Variants in ITIH4 observed in about 807,000 individuals in gnomAD.
The protein encoded by ITIH4 is inter-alpha-trypsin inhibitor heavy chain 4.
ITIH4 carries 79 observed loss-of-function variants against 111.8 expected under a neutral mutation model. The ratio of observed to expected loss-of-function variants is 0.71; its 90% CI spans 0.59 to 0.85. ITIH4 has a LOEUF of 0.85. Ranked by LOEUF, ITIH4 falls within the 40% of genes least tolerant of loss-of-function variation. ITIH4 has a pLI of 0.00. For missense variants in ITIH4, 1,065 were observed against 1,195.8 expected, an observed-to-expected ratio of 0.89 and a Z score of 1.61; for synonymous variants, 472 against 468.3, an observed-to-expected ratio of 1.01 and a Z score of -0.10.
Position 52,830,546 on chromosome 3 carries a change from T to C in ITIH4, c.90+7A>G. 6.2e-7 allele frequency: 1 copy of C among 1,613,746 alleles called. No homozygotes were observed. The highest frequency in any genetic ancestry group is 8.5e-7 in the Non-Finnish European group (1 of 1,179,634). ...CAGCTCACGCCACACCCATGGACACTGGCTACCTTTTCGGCAGTAGTAGTC... is the reference window on the plus strand; with the variant it reads ...CAGCTCACGCCACACCCATGGACACCGGCTACCTTTTCGGCAGTAGTAGTC... On this transcript the variant is annotated splice_region_variant and intron_variant, in intron 1 of 23. Transcript: ENST00000266041.
chr3:52,819,700 C>G, intron 16 of ITIH4, 54 bp downstream of exon 16: 1 of 1,599,516 alleles, frequency 6.3e-7, no homozygotes, highest in Non-Finnish European at 8.6e-7. Context: ...GGACCTCCCT[C>G]AAGCTCCCCC....
At position 52,824,518 on chromosome 3, in the gene ITIH4, G is replaced by A. The variant is rs1389109296; in HGVS notation, c.924C>T (p.Asp308=). 6.2e-7 allele frequency: 1 copy of A among 1,614,066 alleles called. No homozygotes were observed. Among genetic ancestry groups the A allele is most frequent in the Non-Finnish European group, 8.5e-7 (1 of 1,180,040 alleles). ...IKILDDLSPR[D]QFNLIVFSTE... Reference sequence around the variant, plus strand: ...TACTGAAGACGATGAGGTTGAACTGGTCTCTGGGGCTGAGGTCATCCAGGA... The same window carrying A: ...TACTGAAGACGATGAGGTTGAACTGATCTCTGGGGCTGAGGTCATCCAGGA... Residue 308 remains aspartate, a synonymous_variant, in exon 8 of 24, where the codon GAC becomes GAT. Coordinates refer to ENST00000266041, the MANE Select transcript of ITIH4 (RefSeq NM_002218.5). The surrounding 1 kb of genome is among the most constrained non-coding windows in gnomAD (Gnocchi z 4.3).
chr3:52,826,307 C>T (rs1700478460), intron 5 of ITIH4, among the ~76,000 whole-genome samples: 1 of 152,338 alleles, frequency 6.6e-6, no homozygotes, highest in Admixed American at 6.5e-5. Flanking sequence ...AGTCTATTAT[C>T]CAGCCCCTTC....
chr3:52,826,433 A>G, intron 5 of ITIH4, 108 bp downstream of exon 5: 1 of 807,556 alleles, frequency 1.2e-6, no homozygotes, highest in Non-Finnish European at 2.1e-6. Flanking sequence ...TCCAGGTCAC[A>G]GCTCACAGGA....
Position 52,814,041 on chromosome 3 carries a change from G to A in ITIH4, c.2657C>T (p.Ser886Phe), listed in dbSNP as rs753093484. 4 of 1,613,810 alleles carry A rather than the reference G, an allele frequency of 2.5e-6. No homozygotes were observed. The highest frequency in any genetic ancestry group is 2.5e-6 in the Non-Finnish European group (3 of 1,179,964). Reference sequence around the variant, plus strand: ...TCTGCCGTCATCTGATGCTGCTGGAGATCCCCAGAGCACCTCCTGGTAAAA... The same window carrying A: ...TCTGCCGTCATCTGATGCTGCTGGAAATCCCCAGAGCACCTCCTGGTAAAA... ...GQFYQEVLWG[S>F]PAASDDGRRT... is the part of the protein sequence containing the mutation. Residue 886 changes from serine (S) to phenylalanine (F), a missense_variant, in exon 23 of 24, where the codon TCT (serine) becomes TTT (phenylalanine). Ser to Phe is a radical substitution (Grantham distance 155). Transcript: ENST00000266041.
In ITIH4 at chr3:52,823,833, A is replaced by G. The variant is rs368885624; in HGVS notation, c.1343T>C (p.Leu448Pro). 357 of 1,613,800 alleles carry G rather than the reference A, an allele frequency of 2.2e-4. No individual in the cohort carries two copies. Among genetic ancestry groups the G allele is most frequent in the Non-Finnish European group, 2.8e-4 (329 of 1,180,002 alleles). ...GGGGCACACTGGCACCTGGAGCTGC[A>G]GGGCAGAGTCTGAGTCCTCATGGAT... ...RRIHEDSDSALQLQDFYQEVA... is the reference protein window; with the variant it reads ...RRIHEDSDSAPQLQDFYQEVA... The change falls in exon 10 of 24, where the codon CTG becomes CCG. Residue 448 changes from leucine (L) to proline (P), a missense_variant. Leu to Pro is a moderately conservative substitution (Grantham distance 98). Transcript: ENST00000266041.
intron 20 of ITIH4, among the ~76,000 whole-genome samples, chr3:52,817,588 AG>A (rs1559478382): frequency 6.6e-6 from 1 of 152,084 alleles, no homozygotes; most frequent in Admixed American, 6.5e-5. Flanking sequence ...TTGAAGGGGC[AG>A]GGCCCAGCCA....
At chr3:52,819,372 C>CA (rs1169151017) in intron 17 of ITIH4, 21 bp downstream of exon 17, 1 of 1,613,534 alleles carries the variant, frequency 6.2e-7, no homozygotes, top group East Asian at 2.2e-5. Flanking sequence ...GAGGCCCTCG[C>CA]AGGGCCGGAA....
chr3:52,824,162 G>A lies in ITIH4; in HGVS notation c.1171+28C>T, dbSNP rs762245188. On this transcript the variant is annotated intron_variant, in intron 9 of 23. Coordinates refer to ENST00000266041, the MANE Select transcript of ITIH4 (RefSeq NM_002218.5). The surrounding 1 kb of genome is among the most constrained non-coding windows in gnomAD (Gnocchi z 4.3). ...CCCAGCCGCCTCCCCTGTGCAGCAC[G>A]TCCTGGAGTCACGGGCAGGGCCCTC... 2.0e-5 allele frequency: 33 copies of A among 1,611,480 alleles called. No individual in the cohort carries two copies. Among genetic ancestry groups the A allele is most frequent in the African/African-American group, 1.3e-5 (1 of 74,904 alleles).
chr3:52,818,265 T>A lies in ITIH4; in HGVS notation c.2171A>T (p.Gln724Leu). 1 of 1,580,436 alleles carries A rather than the reference T, an allele frequency of 6.3e-7. No individual in the cohort carries two copies. Among genetic ancestry groups the A allele is most frequent in the Non-Finnish European group, 8.6e-7 (1 of 1,164,266 alleles). ...MKIEETTMTTQTPAPIQAPSA... is the reference protein window; with the variant it reads ...MKIEETTMTTLTPAPIQAPSA... ...GGGGGCTGGGAACTTACCTGGGGTT[T>A]GGGTTGTCATGGTTGTTTCTAAAAG... The change falls in exon 19 of 24, where the codon CAA becomes CTA. Residue 724 changes from glutamine to leucine, a missense_variant. By Grantham distance (113) the Gln-to-Leu change is moderately radical. Coordinates refer to ENST00000266041, the MANE Select transcript of ITIH4 (RefSeq NM_002218.5).
intron 21 of ITIH4, 48 bp downstream of exon 21, chr3:52,816,836 G>A: frequency 6.4e-7 from 1 of 1,570,786 alleles, no homozygotes; most frequent in African/African-American, 1.3e-5. Context: ...ATCAGCCACT[G>A]TAGCCTGAAA....
chr3:52,813,315 A>G lies in ITIH4; in HGVS notation c.*106T>C. The G allele has an allele frequency of 1.0e-6, 1 of 987,728 alleles. No individual in the cohort carries two copies. The highest frequency in any genetic ancestry group is 1.6e-6 in the Non-Finnish European group (1 of 621,236). 61.2% of individuals were successfully genotyped at this position (987,728 alleles called of 1,614,324 possible). A position where few individuals can be genotyped will look rare whatever the true frequency, so the allele number is the denominator to read the frequency against. ...CTCACACCACCTTTCTTTATTTGTA[A>G]TGAGTGGGACTCTTCCTCCCCATGG... On this transcript the variant is annotated 3_prime_UTR_variant, in exon 24 of 24. Transcript: ENST00000266041.
Position 52,826,583 on chromosome 3 carries a change from G to A in ITIH4, c.588C>T (p.Asn196=), listed in dbSNP as rs762133863. 7 of 1,614,014 alleles carry A rather than the reference G, an allele frequency of 4.3e-6. No homozygotes were observed. In the South Asian group the frequency reaches 7.7e-5, roughly 18 times the overall value. The change falls in exon 5 of 24, where the codon AAC becomes AAT. Residue 196 remains asparagine (N), a synonymous_variant. Transcript: ENST00000266041. ...AGGTGGTGAGGGCGTCTACCAGCTG[G>A]TTGGTCATGAAGGTGCTCTCTGTCT... is the stretch of plus-strand genomic sequence containing the variant. ...FLETESTFMT[N]QLVDALTTWQ...
intron 5 of ITIH4, 69 bp from the exon 6 acceptor site, chr3:52,826,083 G>A: frequency 6.3e-7 from 1 of 1,591,230 alleles, no homozygotes; most frequent in East Asian, 2.2e-5. Context: ...CTCTACCCCT[G>A]TCTGTATATT....
chr3:52,818,398 T>C, intron 18 of ITIH4, 64 bp downstream of exon 18: 1 of 1,574,850 alleles, frequency 6.3e-7, no homozygotes, highest in Non-Finnish European at 8.7e-7. Context: ...CATCGAGACA[T>C]GTGACAGGTC....
chr3:52,813,031 CCT>C lies in ITIH4; in HGVS notation c.*388_*389del. Reference sequence around the variant, plus strand: ...CCAAGAGACCATGAAGCAGACTGAACCTCTGCTCCTGGAGAATGCTCCCAGCC... The same window carrying C: ...CCAAGAGACCATGAAGCAGACTGAACCTGCTCCTGGAGAATGCTCCCAGCC... On this transcript the variant is annotated 3_prime_UTR_variant, in exon 24 of 24. Coordinates refer to ENST00000266041, the MANE Select transcript of ITIH4 (RefSeq NM_002218.5). The C allele has an allele frequency of 6.2e-6, 1 of 162,066 alleles. No individual in the cohort carries two copies. The highest frequency in any genetic ancestry group is 1.7e-4 in the East Asian group (1 of 5,916). 10.0% of individuals were successfully genotyped at this position (162,066 alleles called of 1,614,324 possible). A position where few individuals can be genotyped will look rare whatever the true frequency, so the allele number is the denominator to read the frequency against.
chr3:52,818,185 A>C lies in ITIH4; in HGVS notation c.2180-17T>G. The C allele has an allele frequency of 6.2e-7, 1 of 1,602,940 alleles. No homozygotes were observed. Among genetic ancestry groups the C allele is most frequent in the Non-Finnish European group, 8.5e-7 (1 of 1,172,596 alleles). Reference sequence around the variant, plus strand: ...GTATGGGGGCTGGGACAGCCGGGGCACGGCTCCTGGAGCAGGAAGGGCAGG... The same window carrying C: ...GTATGGGGGCTGGGACAGCCGGGGCCCGGCTCCTGGAGCAGGAAGGGCAGG... On this transcript the variant is annotated splice_polypyrimidine_tract_variant and intron_variant, in intron 19 of 23. Coordinates refer to ENST00000266041, the MANE Select transcript of ITIH4 (RefSeq NM_002218.5).
rs1301406946 is a variant in ITIH4, at chr3:52,824,008, G to A, written c.1172-4C>T. On this transcript the variant is annotated splice_polypyrimidine_tract_variant and splice_region_variant and intron_variant, in intron 9 of 23. Coordinates refer to ENST00000266041, the MANE Select transcript of ITIH4 (RefSeq NM_002218.5). The surrounding 1 kb of genome is among the most constrained non-coding windows in gnomAD (Gnocchi z 4.3). ...ATGCTCCTGGGGTTAGTCTCCCCTG[G>A]ACCCAGGGGTTTGGGATGAGGGTGA... 5 of 1,551,290 alleles carry A rather than the reference G, an allele frequency of 3.2e-6. No individual in the cohort carries two copies. The highest frequency in any genetic ancestry group is 4.3e-6 in the Non-Finnish European group (5 of 1,149,656).
chr3:52,824,608 T>G lies in ITIH4; in HGVS notation c.877-43A>C. 6.3e-7 allele frequency: 1 copy of G among 1,575,684 alleles called. No individual in the cohort carries two copies. Among genetic ancestry groups the G allele is most frequent in the Non-Finnish European group, 8.6e-7 (1 of 1,160,594 alleles). Reference sequence around the variant, plus strand: ...ACATAGGTGCTTCAGAAGGGCTCCCTGAGGGCTCGTGTGCCCTAGGGCTGG... The same window carrying G: ...ACATAGGTGCTTCAGAAGGGCTCCCGGAGGGCTCGTGTGCCCTAGGGCTGG... On this transcript the variant is annotated intron_variant, in intron 7 of 23. Transcript: ENST00000266041. This position sits in a 1 kb window ranked among gnomAD's most constrained non-coding sequence, Gnocchi z 4.3.
Sources: gnomAD v4.1 joint callset for allele counts (sites outside exome capture counted in the v4.1 genomes callset) on GRCh38, gnomAD v4.1.1 for gene constraint, Gnocchi (gnomAD v3.1) non-coding constraint, MANE v1.5 for transcripts, NCBI Gene and HGNC (gene_info 2026-07-23, HGNC 2026-07-21) for gene names.